The following ARID3A variants were observed in gnomAD, a reference collection of about 807,000 sequenced individuals.
The protein encoded by ARID3A is AT-rich interactive domain-containing protein 3A.
Under a neutral mutation model 52.7 loss-of-function variants are expected in ARID3A, and 11 were observed. The ratio of observed to expected loss-of-function variants is 0.21; its 90% CI spans 0.13 to 0.35. The LOEUF is 0.35. Ranked by LOEUF, ARID3A falls within the 10% of genes least tolerant of loss-of-function variation. ARID3A has a pLI of 1.00. For missense variants in ARID3A, 721 were observed against 838.5 expected (o/e 0.86, Z 1.73); for synonymous variants, 404 against 359.4 (o/e 1.12, Z -1.40).
rs533720923 is a variant in ARID3A, at chr19:929,481, CGTGGTGGTG to C, written c.-25_-17del. 284 of 1,392,778 alleles carry C rather than the reference CGTGGTGGTG, an allele frequency of 2.0e-4. No homozygotes were observed. Among genetic ancestry groups the C allele is most frequent in the South Asian group, 1.3e-3 (95 of 75,680 alleles). The allele number at this position is 1,392,778 out of a possible 1,614,324, so 86.3% of individuals were successfully genotyped here. ...GCCCCCGCCGCCCACCCCTAGCGCC[CGTGGTGGTG>C]GTGGTGGTGGTGGTGGTGGTGGCCC... On this transcript the variant is annotated 5_prime_UTR_variant, in exon 2 of 9. Transcript: ENST00000263620. This position sits in a 1 kb window ranked among gnomAD's most constrained non-coding sequence, Gnocchi z 6.2.
intron 3 of ARID3A, among the ~76,000 whole-genome samples, chr19:936,090 C>G (rs567631305): frequency 6.6e-6 from 1 of 152,314 alleles, no homozygotes; most frequent in South Asian, 2.1e-4. Context: ...GCGCCCGGCC[C>G]GTGATGGGAT....
rs2037579023 is a variant in ARID3A, at chr19:942,544, C to A, written c.693+9802C>A. 6.6e-6 allele frequency among the ~76,000 whole-genome samples: 1 copy of A among 152,244 alleles called. No individual in the cohort carries two copies. Among genetic ancestry groups the A allele is most frequent in the South Asian group, 2.1e-4 (1 of 4,830 alleles). ...GTCACAGGGTTAAACGCTGACTAAT[C>A]TGGCCATTGAAGGCCCAAGCGCCGG... On this transcript the variant is annotated intron_variant, in intron 3 of 8. Coordinates refer to ENST00000263620, the MANE Select transcript of ARID3A (RefSeq NM_005224.3). This position sits in a 1 kb window ranked among gnomAD's most constrained non-coding sequence, Gnocchi z 8.1.
At chr19:930,708 A>T (rs946970903) in intron 2 of ARID3A, among the ~76,000 whole-genome samples, 1 of 150,412 alleles carries the variant, frequency 6.6e-6, no homozygotes, top group African/African-American at 2.4e-5. Flanking sequence ...ACGGGGTTTC[A>T]CCATGTTAGC....
At chr19:968,794 A>C (rs1198222944) in intron 8 of ARID3A, 1 of 270,202 alleles carries the variant, frequency 3.7e-6, no homozygotes, top group Non-Finnish European at 7.1e-6. Context: ...TTGCACAGAC[A>C]TGCACCAGCA....
At chr19:930,759 T>C (rs2037309209) in intron 2 of ARID3A, among the ~76,000 whole-genome samples, 1 of 151,282 alleles carries the variant, frequency 6.6e-6, no homozygotes, top group Non-Finnish European at 1.5e-5. Context: ...TCTGCCTGCC[T>C]TGGCCTCCCA....
Position 968,441 on chromosome 19 carries a change from C to T in ARID3A, c.1532C>T (p.Thr511Met), listed in dbSNP as rs142537557. ...ESRQDSAVNL[T>M]GTNGSNSISM... ...CGCCAGGACTCTGCTGTGAACCTGA[C>T]GGGCACCAACGGCAGCAACAGCATC... is the stretch of plus-strand genomic sequence containing the variant. The change falls in exon 8 of 9, where the codon ACG becomes ATG. Residue 511 changes from threonine to methionine, a missense_variant. By Grantham distance (81) the Thr-to-Met change is moderately conservative. This residue lies in a region of ARID3A where 297 missense variants were observed against 343.2 expected (regional missense o/e 0.87). Transcript: ENST00000263620. The T allele has an allele frequency of 2.3e-5, 37 of 1,614,030 alleles. 1 individual carries two copies. Among genetic ancestry groups the T allele is most frequent in the South Asian group, 1.6e-4 (15 of 91,082 alleles).
At chr19:953,002 C>T (rs2037834855) in intron 3 of ARID3A, among the ~76,000 whole-genome samples, 1 of 152,166 alleles carries the variant, frequency 6.6e-6, no homozygotes, top group South Asian at 2.1e-4. Context: ...CCCGGCCACC[C>T]TCTTCTGTCC....
At chr19:965,230 C>G (rs2038124611) in intron 6 of ARID3A, 150 bp downstream of exon 6, 1 of 901,832 alleles carries the variant, frequency 1.1e-6, no homozygotes, top group Non-Finnish European at 1.6e-6. Context: ...TACCAGTCCT[C>G]TGCCTATGGC....
rs570564024 is a variant in ARID3A at position 959,270 on chromosome 19, C to CTTTTG, written c.694-807_694-803dup. The stretch of plus-strand genomic sequence containing the variant: ...GGAGGGAACGCAACCCTGCAGACAT[C>CTTTTG]TTTTGTTTTGTTTTGTTTTTAGAGA... On this transcript the variant is annotated intron_variant, in intron 3 of 8. Transcript: ENST00000263620. The surrounding 1 kb of genome is among the most constrained non-coding windows in gnomAD (Gnocchi z 5.0). Among the ~76,000 whole-genome samples the CTTTTG allele has an allele frequency of 7.9e-5, 12 of 152,264 alleles. No homozygotes were observed. In the South Asian group the frequency reaches 2.1e-3, roughly 26 times the overall value.
At chr19:939,737 G>A (rs1305500277) in intron 3 of ARID3A, among the ~76,000 whole-genome samples, 1 of 152,062 alleles carries the variant, frequency 6.6e-6, no homozygotes, top group Non-Finnish European at 1.5e-5. Flanking sequence ...CCCTCGTGGC[G>A]CTGGACACCC....
Position 938,466 on chromosome 19 carries a change from C to T in ARID3A, c.693+5724C>T, listed in dbSNP as rs1269654274. Among the ~76,000 whole-genome samples, 2 of 152,108 alleles carry T rather than the reference C, an allele frequency of 1.3e-5. No homozygotes were observed. The highest frequency in any genetic ancestry group is 2.4e-5 in the African/African-American group (1 of 41,414). ...ATCACATGACTTGTGCACAGTCGCC[C>T]GGGGGACGTGTCAGAGCTGGAATTT... On this transcript the variant is annotated intron_variant, in intron 3 of 8. Transcript: ENST00000263620. The surrounding 1 kb of genome is among the most constrained non-coding windows in gnomAD (Gnocchi z 4.0).
chr19:931,636 C>T (rs1042038406), intron 2 of ARID3A, among the ~76,000 whole-genome samples: 1 of 151,960 alleles, frequency 6.6e-6, no homozygotes, highest in Admixed American at 6.6e-5. Flanking sequence ...CACGGTGAAA[C>T]CCCGTCTCCA....
At chr19:935,581 G>A (rs374379414) in intron 3 of ARID3A, among the ~76,000 whole-genome samples, 9 of 152,092 alleles carry the variant, frequency 5.9e-5, no homozygotes, top group Non-Finnish European at 1.3e-4. Flanking sequence ...GGGTTCAAGC[G>A]ATCCTTCTGC....
At position 967,129 on chromosome 19, in the gene ARID3A, C is replaced by T. The variant is rs908351189; in HGVS notation, c.1495+261C>T. Among the ~76,000 whole-genome samples, 9 of 152,094 alleles carry T rather than the reference C, an allele frequency of 5.9e-5. 1 individual carries two copies. The highest frequency in any genetic ancestry group is 1.7e-4 in the African/African-American group (7 of 41,394). Reference sequence around the variant, plus strand: ...AACAAATTAGCCGGGCGTGGCAGCGCACCCCTGTAGTCCCAGCTACTTGGG... The same window carrying T: ...AACAAATTAGCCGGGCGTGGCAGCGTACCCCTGTAGTCCCAGCTACTTGGG... On this transcript the variant is annotated intron_variant, in intron 7 of 8. Transcript: ENST00000263620.
At chr19:951,438 T>G (rs2037801695) in intron 3 of ARID3A, among the ~76,000 whole-genome samples, 1 of 151,848 alleles carries the variant, frequency 6.6e-6, no homozygotes, top group Non-Finnish European at 1.5e-5. Context: ...GTGCCTGTGG[T>G]CCCACCTAAT....
chr19:944,893 T>C lies in ARID3A; in HGVS notation c.693+12151T>C, dbSNP rs2037644767. Reference sequence around the variant, plus strand: ...ATGTCCCTGGGTCCTGCGGTCGCTCTCTGTCTCCATCTCTTCTTTCTCCTC... The same window carrying C: ...ATGTCCCTGGGTCCTGCGGTCGCTCCCTGTCTCCATCTCTTCTTTCTCCTC... On this transcript the variant is annotated intron_variant, in intron 3 of 8. Coordinates refer to ENST00000263620, the MANE Select transcript of ARID3A (RefSeq NM_005224.3). The surrounding 1 kb of genome is among the most constrained non-coding windows in gnomAD (Gnocchi z 5.9). Among the ~76,000 whole-genome samples, 1 of 152,188 alleles carries C rather than the reference T, an allele frequency of 6.6e-6. No individual in the cohort carries two copies. The highest frequency in any genetic ancestry group is 6.5e-5 in the Admixed American group (1 of 15,280).
intron 3 of ARID3A, among the ~76,000 whole-genome samples, chr19:940,737 C>T (rs1417660242): frequency 6.6e-6 from 1 of 152,188 alleles, no homozygotes; most frequent in Non-Finnish European, 1.5e-5. Flanking sequence ...GCCAGGCCCT[C>T]GGCCGCCAGC....
Position 935,982 on chromosome 19 carries a change from A to G in ARID3A, c.693+3240A>G, listed in dbSNP as rs550407863. On this transcript the variant is annotated intron_variant, in intron 3 of 8. Transcript: ENST00000263620. Reference sequence around the variant, plus strand: ...ATTTTTTGTATTTTTAGTAGAGACAAGGTTTCACCGTGTTAGCCAGGATGG... The same window carrying G: ...ATTTTTTGTATTTTTAGTAGAGACAGGGTTTCACCGTGTTAGCCAGGATGG... Among the ~76,000 whole-genome samples, 22 of 149,792 alleles carry G rather than the reference A, an allele frequency of 1.5e-4. No homozygotes were observed. In the South Asian group the frequency reaches 3.2e-3, roughly 22 times the overall value.
chr19:966,514 G>A, intron 6 of ARID3A, 58 bp from the exon 7 acceptor site: 1 of 1,307,740 alleles, frequency 7.6e-7, no homozygotes, highest in South Asian at 1.5e-5. Flanking sequence ...TTCCTGCCTT[G>A]AGTGGAAGGC....
Sources: allele counts gnomAD v4.1 joint callset (sites outside exome capture counted in the v4.1 genomes callset), GRCh38; gene constraint gnomAD v4.1.1; regional missense constraint gnomAD v4.1.1; non-coding constraint Gnocchi (gnomAD v3.1); transcripts MANE v1.5; gene names NCBI Gene and HGNC (gene_info 2026-07-23, HGNC 2026-07-21).